Variants in CSMD3 observed in about 807,000 individuals in gnomAD.
The protein encoded by CSMD3 is CUB and Sushi multiple domains 3, also known as CUB and sushi domain-containing protein 3.
A neutral mutation model predicts 435.2 loss-of-function variants in CSMD3; 177 were observed. The ratio of observed to expected loss-of-function variants is 0.41; its 90% CI spans 0.36 to 0.46. CSMD3 has a LOEUF of 0.46. CSMD3 is among the 20% of genes least tolerant of loss of function. CSMD3 has a pLI of 0.34. For synonymous variants in CSMD3, 1,656 were observed against 1,520.5 expected, an observed-to-expected ratio of 1.09 and a Z score of -2.07; for missense variants, 4,265 against 4,504.6, an observed-to-expected ratio of 0.95 and a Z score of 1.52.
At chr8:112,809,798 A>AG (rs1404812182) in intron 12 of CSMD3, among the ~76,000 whole-genome samples, 1 of 152,102 alleles carries the variant, frequency 6.6e-6, no homozygotes, top group Non-Finnish European at 1.5e-5. Context: ...TTAAAAAAAA[A>AG]CTTGCAATTA....
At chr8:113,031,049 T>C (rs577813880) in intron 5 of CSMD3, among the ~76,000 whole-genome samples, 2 of 151,792 alleles carry the variant, frequency 1.3e-5, no homozygotes, top group East Asian at 1.9e-4. Flanking sequence ...CTAGCATGAA[T>C]GTAAAATGGT....
chr8:112,436,404 G>A (rs949924102), intron 32 of CSMD3, among the ~76,000 whole-genome samples: 1 of 151,716 alleles, frequency 6.6e-6, no homozygotes, highest in Admixed American at 6.6e-5. Flanking sequence ...ACAGGAAAAG[G>A]TCCCCTTCTT....
At chr8:112,228,631 GT>G (rs201835988) in intron 70 of CSMD3, 124 bp downstream of exon 70, 10,784 of 966,074 alleles carry the variant, frequency 0.011, 87 homozygotes, top group Non-Finnish European at 0.015. Context: ...TATGACAATA[GT>G]TAGCACACAG....
At chr8:112,543,973 AAC>A (rs1586647547) in intron 27 of CSMD3, among the ~76,000 whole-genome samples, 1 of 152,176 alleles carries the variant, frequency 6.6e-6, no homozygotes. Flanking sequence ...CAGTCACAGA[AAC>A]ACAACTACTG....
chr8:112,324,212 A>G (rs764811521), intron 45 of CSMD3, among the ~76,000 whole-genome samples: 2 of 151,936 alleles, frequency 1.3e-5, no homozygotes, highest in Non-Finnish European at 2.9e-5. Context: ...TGTATTTGCC[A>G]TGTTCATTTC....
chr8:113,017,793 A>G (rs2086525366), intron 6 of CSMD3, among the ~76,000 whole-genome samples: 1 of 152,062 alleles, frequency 6.6e-6, no homozygotes, highest in African/African-American at 2.4e-5. Flanking sequence ...TTGCAAATTT[A>G]AAAGTGACAT....
intron 10 of CSMD3, among the ~76,000 whole-genome samples, chr8:112,867,186 A>C (rs1053488726): frequency 6.6e-6 from 1 of 152,170 alleles, no homozygotes; most frequent in Non-Finnish European, 1.5e-5. Context: ...CTGACTTCAC[A>C]GAAGTAGGCC....
intron 45 of CSMD3, among the ~76,000 whole-genome samples, chr8:112,324,350 ATT>A (rs1823292296): frequency 6.6e-6 from 1 of 152,028 alleles, no homozygotes; most frequent in Non-Finnish European, 1.5e-5. Flanking sequence ...TAGCTTATGT[ATT>A]TTGTATTGTA....
chr8:113,254,644 T>C (rs1198451686), intron 3 of CSMD3, among the ~76,000 whole-genome samples: 1 of 152,316 alleles, frequency 6.6e-6, no homozygotes, highest in East Asian at 1.9e-4. Context: ...TCTTACAATA[T>C]TAAGTAATGG....
chr8:112,527,410 A>G (rs903853863), intron 27 of CSMD3, among the ~76,000 whole-genome samples: 2 of 152,076 alleles, frequency 1.3e-5, no homozygotes, highest in East Asian at 1.9e-4. Flanking sequence ...GCAGCTCATA[A>G]CATATCTTCA....
At position 112,287,124 on chromosome 8, in the gene CSMD3, A is replaced by G. The variant is rs145027071; in HGVS notation, c.9271T>C (p.Ser3091Pro). 4.9e-3 allele frequency: 7,915 copies of G among 1,613,740 alleles called. 516 individuals carry two copies. In the Admixed American group the frequency reaches 0.12, roughly 24 times the overall value. Residue 3091 changes from serine (S) to proline (P), a missense_variant, in exon 58 of 71, where the codon TCA becomes CCA. Transcript: ENST00000297405. ...TTAGCTAAACATGTTCTTTCTTCTG[A>G]GCCATGAAGGATGTAACCAGTATCA... ...ACDTGYILHG[S>P]EERTCLANGS...
chr8:113,040,838 T>C (rs1196007318), intron 5 of CSMD3, among the ~76,000 whole-genome samples: 1 of 152,074 alleles, frequency 6.6e-6, no homozygotes, highest in African/African-American at 2.4e-5. Context: ...TGAGCATAAA[T>C]AGAAGACCAA....
chr8:112,722,926 C>A, intron 13 of CSMD3, among the ~76,000 whole-genome samples: 1 of 151,392 alleles, frequency 6.6e-6, no homozygotes. Flanking sequence ...TTATATTTTC[C>A]TAAATTTATA....
intron 6 of CSMD3, among the ~76,000 whole-genome samples, chr8:113,010,399 A>C (rs1345494493): frequency 2.0e-5 from 3 of 151,806 alleles, no homozygotes; most frequent in Non-Finnish European, 4.4e-5. Flanking sequence ...GGCAAATTTT[A>C]AGTTTATTCT....
rs78883929 is a variant in CSMD3 at position 113,007,667 on chromosome 8, A to C, written c.1030+11400T>G. ...TTAGTGTGGTCATAGAACCTAACCG[A>C]GTTTTAATCCTAGGGAAGGTTTCTG... On this transcript the variant is annotated intron_variant, in intron 6 of 70. Coordinates refer to ENST00000297405, the MANE Select transcript of CSMD3 (RefSeq NM_198123.2). Among the ~76,000 whole-genome samples, 31 of 152,052 alleles carry C rather than the reference A, an allele frequency of 2.0e-4. No individual in the cohort carries two copies. In the East Asian group the frequency reaches 6.0e-3, roughly 30 times the overall value.
chr8:112,506,478 A>C (rs553426833), intron 29 of CSMD3, among the ~76,000 whole-genome samples: 1 of 152,232 alleles, frequency 6.6e-6, no homozygotes, highest in South Asian at 2.1e-4. Flanking sequence ...TGTTAGCTTC[A>C]TGCGGGAAAA....
intron 56 of CSMD3, among the ~76,000 whole-genome samples, chr8:112,290,898 T>C (rs560257976): frequency 6.6e-6 from 1 of 152,118 alleles, no homozygotes; most frequent in Non-Finnish European, 1.5e-5. Flanking sequence ...TTATAACTGC[T>C]AAATTATTTT....
chr8:112,775,104 A>C (rs1028528217), intron 13 of CSMD3, among the ~76,000 whole-genome samples: 2 of 151,842 alleles, frequency 1.3e-5, no homozygotes, highest in Non-Finnish European at 1.5e-5. Flanking sequence ...TCATCTGAAG[A>C]CTGCCCTGAT....
intron 3 of CSMD3, among the ~76,000 whole-genome samples, chr8:113,203,367 C>T (rs142679435): frequency 2.0e-5 from 3 of 152,078 alleles, no homozygotes; most frequent in African/African-American, 7.2e-5. Context: ...ATGGTACAAT[C>T]ATGGCTCACT....
Sources: allele counts gnomAD v4.1 joint callset (sites outside exome capture counted in the v4.1 genomes callset), GRCh38; gene constraint gnomAD v4.1.1; transcripts MANE v1.5; gene names NCBI Gene and HGNC (gene_info 2026-07-23, HGNC 2026-07-21).